Variants in SUGCT observed in about 807,000 individuals in gnomAD.
The protein encoded by SUGCT is succinyl-CoA:glutarate-CoA transferase.
A neutral mutation model predicts 55.0 loss-of-function variants in SUGCT; 41 were observed. The observed-to-expected ratio is 0.74, with a 90% confidence interval of 0.58 to 0.97. The LOEUF (loss-of-function observed/expected upper bound fraction) is 0.97, where lower values mean the gene tolerates loss of function less well. Ranked by LOEUF, SUGCT falls within the 50% of genes least tolerant of loss-of-function variation. SUGCT has a pLI of 0.00. For synonymous variants in SUGCT, 187 were observed against 200.4 expected, an observed-to-expected ratio of 0.93 and a Z score of 0.56; for missense variants, 568 against 547.8, an observed-to-expected ratio of 1.04 and a Z score of -0.37.
intron 9 of SUGCT, among the ~76,000 whole-genome samples, chr7:40,367,272 G>C (rs924851815): frequency 7.5e-6 from 1 of 133,306 alleles, no homozygotes; most frequent in African/African-American, 2.7e-5. Flanking sequence ...TTGTGGGGTG[G>C]GGGGAGGGGG....
the SUGCT span, among the ~76,000 whole-genome samples, chr7:41,013,585 C>T: frequency 9.2e-5 from 14 of 152,128 alleles, no homozygotes; most frequent in South Asian, 2.3e-3. Flanking sequence ...TGTCTGTGTG[C>T]GTGCATCTAA....
intron 9 of SUGCT, among the ~76,000 whole-genome samples, chr7:40,326,067 C>T (rs1305295906): frequency 6.6e-6 from 1 of 151,896 alleles, no homozygotes; most frequent in East Asian, 1.9e-4. Context: ...TGTAGGTTTC[C>T]CCCTACCATG....
the SUGCT span, among the ~76,000 whole-genome samples, chr7:40,991,637 C>A: frequency 1.8e-4 from 27 of 152,240 alleles, no homozygotes; most frequent in Non-Finnish European, 3.2e-4. Context: ...GTGAGGCAGG[C>A]CGGAGGGAAT....
chr7:40,995,122 T>C, the SUGCT span, among the ~76,000 whole-genome samples: 1 of 152,090 alleles, frequency 6.6e-6, no homozygotes, highest in Non-Finnish European at 1.5e-5. Flanking sequence ...GATAATGCAA[T>C]GAAGGATGCT....
the SUGCT span, among the ~76,000 whole-genome samples, chr7:40,877,383 C>T: frequency 6.6e-6 from 1 of 152,162 alleles, no homozygotes; most frequent in Non-Finnish European, 1.5e-5. Context: ...ATTTTGATAG[C>T]ATTTTTTAGA....
chr7:40,548,334 A>G (rs1795120010), intron 12 of SUGCT, among the ~76,000 whole-genome samples: 2 of 151,430 alleles, frequency 1.3e-5, no homozygotes, highest in Non-Finnish European at 2.9e-5. Flanking sequence ...AACTACAGGC[A>G]CACCCCATGG....
In SUGCT at chr7:40,440,143, G is replaced by GTTTTTTTTTTTTTTTTTTTTTT. The variant is rs1788425532; in HGVS notation, c.817-9143_817-9142insTTTTTTTTTTTTTTTTTTTTTT. Among the ~76,000 whole-genome samples the GTTTTTTTTTTTTTTTTTTTTTT allele has an allele frequency of 2.0e-5, 2 of 102,412 alleles. 1 individual carries two copies. The highest frequency in any genetic ancestry group is 8.3e-5 in the African/African-American group (2 of 24,118). The allele number at this position is 102,412 out of a possible 152,430, so 67.2% of individuals were successfully genotyped here. A position where few individuals can be genotyped will look rare whatever the true frequency, so the allele number is the denominator to read the frequency against. On this transcript the variant is annotated intron_variant, in intron 9 of 13. Transcript: ENST00000335693. ...AGTCAAGTTTTTTGTCTGTGTGTGT[G>GTTTTTTTTTTTTTTTTTTTTTT]TGTTTTTTTTTTTTTTTTTTTTTTT...
At chr7:40,526,597 C>T (rs1009543049) in intron 12 of SUGCT, among the ~76,000 whole-genome samples, 1 of 152,032 alleles carries the variant, frequency 6.6e-6, no homozygotes, top group African/African-American at 2.4e-5. Flanking sequence ...TGGGATCAAA[C>T]GTTGAGAACC....
chr7:40,433,317 G>A (rs1411572637), intron 9 of SUGCT, among the ~76,000 whole-genome samples: 1 of 150,672 alleles, frequency 6.6e-6, no homozygotes, highest in African/African-American at 2.4e-5. Context: ...TCCTTTGATT[G>A]GGTCATGTTT....
At position 40,321,327 on chromosome 7, in the gene SUGCT, T is replaced by C. The variant is rs191736672; in HGVS notation, c.816+4472T>C. On this transcript the variant is annotated intron_variant, in intron 9 of 13. Transcript: ENST00000335693. ...CCTGACCTCAAGTAATCTGCCCACC[T>C]CGGCCTCCCAAAGTGCTGGGATTAT... Among the ~76,000 whole-genome samples the C allele has an allele frequency of 2.5e-3, 387 of 152,244 alleles. 3 individuals carry two copies. Among genetic ancestry groups the C allele is most frequent in the African/African-American group, 9.1e-3 (380 of 41,554 alleles).
intron 12 of SUGCT, among the ~76,000 whole-genome samples, chr7:40,503,589 T>C (rs944371878): frequency 6.6e-6 from 1 of 152,004 alleles, no homozygotes; most frequent in African/African-American, 2.4e-5. Flanking sequence ...AAGGGAGACA[T>C]TTTCTGTTTG....
chr7:40,898,727 G>A, the SUGCT span, among the ~76,000 whole-genome samples: 1 of 152,150 alleles, frequency 6.6e-6, no homozygotes, highest in African/African-American at 2.4e-5. Flanking sequence ...TTACCACGAG[G>A]GTACGCGGCT....
intron 12 of SUGCT, among the ~76,000 whole-genome samples, chr7:40,594,342 A>G (rs1208784308): frequency 6.6e-6 from 1 of 151,884 alleles, no homozygotes; most frequent in East Asian, 1.9e-4. Flanking sequence ...AAAAGTAAAA[A>G]AAAAAAAATA....
At chr7:40,169,069 C>T (rs1388955709) in intron 1 of SUGCT, among the ~76,000 whole-genome samples, 1 of 152,098 alleles carries the variant, frequency 6.6e-6, no homozygotes, top group African/African-American at 2.4e-5. Context: ...TTAGGAATTC[C>T]CTTTCTCTCC....
At chr7:40,559,367 TTTA>T (rs1795721888) in intron 12 of SUGCT, among the ~76,000 whole-genome samples, 1 of 152,238 alleles carries the variant, frequency 6.6e-6, no homozygotes, top group East Asian at 1.9e-4. Flanking sequence ...TAAATAATGT[TTTA>T]AAACTTCCAA....
chr7:40,767,936 G>A (rs1428944824), intron 13 of SUGCT, among the ~76,000 whole-genome samples: 1 of 152,146 alleles, frequency 6.6e-6, no homozygotes, highest in Non-Finnish European at 1.5e-5. Context: ...GAGACCAAGG[G>A]AAGAAGGCAG....
chr7:40,999,403 T>C, the SUGCT span, among the ~76,000 whole-genome samples: 1 of 152,190 alleles, frequency 6.6e-6, no homozygotes, highest in Non-Finnish European at 1.5e-5. Flanking sequence ...TGCTTGAATT[T>C]CTGTTGATCC....
At chr7:40,637,978 T>A (rs1344200636) in intron 12 of SUGCT, among the ~76,000 whole-genome samples, 1 of 152,252 alleles carries the variant, frequency 6.6e-6, no homozygotes, top group East Asian at 1.9e-4. Flanking sequence ...CTGATACTGG[T>A]TGAAATTTTT....
intron 8 of SUGCT, among the ~76,000 whole-genome samples, chr7:40,312,084 G>C (rs1795188942): frequency 6.8e-6 from 1 of 146,636 alleles, no homozygotes; most frequent in African/African-American, 2.5e-5. Flanking sequence ...TTGTTGCCCA[G>C]GCTGGAGTGC....
Sources: allele counts gnomAD v4.1 joint callset (sites outside exome capture counted in the v4.1 genomes callset), GRCh38; gene constraint gnomAD v4.1.1; transcripts MANE v1.5; gene names NCBI Gene and HGNC (gene_info 2026-07-23, HGNC 2026-07-21).